ZNF28: variants seen among roughly 807,000 people sequenced by gnomAD.
The protein encoded by ZNF28 is zinc finger protein 28.
ZNF28 carries 5 observed loss-of-function variants against 7.2 expected under a neutral mutation model. The observed-to-expected ratio is 0.70, with a 90% CI of 0.36 to 1.46. The LOEUF (loss-of-function observed/expected upper bound fraction) is 1.46, where lower values mean the gene tolerates loss of function less well. Ranked by LOEUF, ZNF28 falls within the 40% of genes most tolerant of loss-of-function variation. The pLI is 0.03. For synonymous variants in ZNF28, 288 were observed against 292.4 expected (o/e 0.99, Z 0.15); for missense variants, 879 against 866.6 (o/e 1.01, Z -0.18).
At chr19:52,809,792 G>A (rs1338362805) in intron 2 of ZNF28, 8 of 501,372 alleles carry the variant, frequency 1.6e-5, no homozygotes, top group African/African-American at 1.0e-4. Flanking sequence ...GTGACAGAGC[G>A]AAAAAAAAGG....
At chr19:52,808,314 C>G (rs2062963997) in intron 2 of ZNF28, among the ~76,000 whole-genome samples, 181 bp from the exon 3 acceptor site, 1 of 152,082 alleles carries the variant, frequency 6.6e-6, no homozygotes. Context: ...GACACACTTT[C>G]AGTATGAAAT....
At chr19:52,812,411 T>C (rs577954782) in intron 2 of ZNF28, among the ~76,000 whole-genome samples, 1 of 133,794 alleles carries the variant, frequency 7.5e-6, no homozygotes, top group African/African-American at 3.3e-5. Context: ...TTTCATTTTG[T>C]TCTGTACTAA....
chr19:52,821,108 G>A (rs1419573714), intron 1 of ZNF28, among the ~76,000 whole-genome samples: 1 of 152,094 alleles, frequency 6.6e-6, no homozygotes, highest in East Asian at 1.9e-4. Context: ...GGGAGCAGCA[G>A]GGCCCAGCAA....
rs767026087 is a variant in ZNF28 at position 52,800,669 on chromosome 19, G to A, written c.1176C>T (p.Phe392=). ...PYECEECEKV[F]SRKSHLERHK... is the part of the protein sequence containing the mutation. ...GTCTTTCAAGATGTGATTTGCGACTGAAAACTTTTTCACATTCTTCACATT... is the reference window on the plus strand; with the variant it reads ...GTCTTTCAAGATGTGATTTGCGACTAAAAACTTTTTCACATTCTTCACATT... The change falls in exon 4 of 4, where the codon TTC becomes TTT. Residue 392 remains phenylalanine (F), a synonymous_variant. Transcript: ENST00000457749. 11 of 1,613,082 alleles carry A rather than the reference G, an allele frequency of 6.8e-6. No individual in the cohort carries two copies. In the Admixed American group the frequency reaches 8.3e-5, roughly 12 times the overall value.
Position 52,800,774 on chromosome 19 carries a change from A to G in ZNF28, c.1071T>C (p.Cys357=), listed in dbSNP as rs568537493. 10 of 1,614,116 alleles carry G rather than the reference A, an allele frequency of 6.2e-6. No homozygotes were observed. The East Asian group carries it at 2.2e-4, about 36-fold the overall frequency. Residue 357 remains cysteine (C), a synonymous_variant, in exon 4 of 4, where the codon TGT becomes TGC. Transcript: ENST00000457749. ...IIHTGEKPYK[C]NECGKVFNRL... ...GATTAAAAACCTTGCCACATTCATT[A>G]CACTTGTAAGGTTTCTCTCCAGTGT...
At chr19:52,813,879 TA>T (rs1369543098) in intron 2 of ZNF28, among the ~76,000 whole-genome samples, 1 of 146,122 alleles carries the variant, frequency 6.8e-6, no homozygotes, top group East Asian at 2.0e-4. Flanking sequence ...TTTTCCCTTT[TA>T]TTTGGAGGGA....
chr19:52,801,029 C>G lies in ZNF28; in HGVS notation c.816G>C (p.Lys272Asn), dbSNP rs755749057. ...CAAAGATCTTGCCACACTCATTACACTTGTAAGGTTTCTCATCAATGTGAG... is the reference window on the plus strand; with the variant it reads ...CAAAGATCTTGCCACACTCATTACAGTTGTAAGGTTTCTCATCAATGTGAG... ...RRSHIDEKPY[K>N]CNECGKIFGH... Residue 272 changes from lysine (K) to asparagine (N), a missense_variant, in exon 4 of 4, where the codon AAG becomes AAC. Lys to Asn is a moderately conservative substitution (Grantham distance 94). Transcript: ENST00000457749. 6.2e-7 allele frequency: 1 copy of G among 1,614,056 alleles called. No individual in the cohort carries two copies. Among genetic ancestry groups the G allele is most frequent in the Non-Finnish European group, 8.5e-7 (1 of 1,180,004 alleles).
In ZNF28 at chr19:52,800,076, C is replaced by G. The variant is rs2147612903; in HGVS notation, c.1769G>C (p.Arg590Thr). 6.2e-7 allele frequency: 1 copy of G among 1,613,980 alleles called. No homozygotes were observed. The highest frequency in any genetic ancestry group is 8.5e-7 in the Non-Finnish European group (1 of 1,179,956). ...CTGATGTTGTGCCAGGTGTGAATCC[C>G]TCCGGAAAGCCTTGTCACAAACCTT... ...KCKVCDKAFR[R>T]DSHLAQHQRV... Residue 590 changes from arginine to threonine, a missense_variant, in exon 4 of 4, where the codon AGG becomes ACG. Physicochemically the swap from Arg to Thr is moderately conservative, Grantham distance 71. This residue lies in a region of ZNF28 where 864 missense variants were observed against 830.2 expected (regional missense o/e 1.04). Transcript: ENST00000457749.
intron 1 of ZNF28, among the ~76,000 whole-genome samples, chr19:52,819,659 C>G (rs1404748196): frequency 7.2e-6 from 1 of 138,250 alleles, no homozygotes; most frequent in African/African-American, 3.1e-5. Context: ...GAAGGTGTGC[C>G]TGAATTCTTA....
At position 52,797,723 on chromosome 19, in the gene ZNF28, A is replaced by G. The variant is rs2147607037; in HGVS notation, c.*1965T>C. ...ATTAAAAACATATAAATACACATAC[A>G]ATCCATACTGATTGGAAAAATTAGT... On this transcript the variant is annotated 3_prime_UTR_variant, in exon 4 of 4. Transcript: ENST00000457749. 1 of 153,000 alleles carries G rather than the reference A, an allele frequency of 6.5e-6. No individual in the cohort carries two copies. The highest frequency in any genetic ancestry group is 6.5e-5 in the Admixed American group (1 of 15,302). The allele number at this position is 153,000 out of a possible 1,614,324, so 9.5% of individuals were successfully genotyped here. A position where few individuals can be genotyped will look rare whatever the true frequency, so the allele number is the denominator to read the frequency against.
In ZNF28 at chr19:52,798,079, G is replaced by C. The variant is rs748866709; in HGVS notation, c.*1609C>G. On this transcript the variant is annotated 3_prime_UTR_variant, in exon 4 of 4. Transcript: ENST00000457749. ...GGAGGTTGTAGTGAGTCAAGATCAT[G>C]CCACTGCACTCCAACCTGGATGACA... 3 of 155,114 alleles carry C rather than the reference G, an allele frequency of 1.9e-5. No homozygotes were observed. In the East Asian group the frequency reaches 5.7e-4, roughly 30 times the overall value. The allele number at this position is 155,114 out of a possible 1,614,324, so 9.6% of individuals were successfully genotyped here. A position where few individuals can be genotyped will look rare whatever the true frequency, so the allele number is the denominator to read the frequency against.
intron 2 of ZNF28, among the ~76,000 whole-genome samples, chr19:52,811,290 T>C (rs1404673881): frequency 2.6e-5 from 4 of 151,236 alleles, no homozygotes; most frequent in Non-Finnish European, 4.4e-5. Flanking sequence ...AGAGCCGAGA[T>C]TGCAGCCTCT....
At chr19:52,821,203 C>G (rs539360837) in intron 1 of ZNF28, among the ~76,000 whole-genome samples, 11 of 151,940 alleles carry the variant, frequency 7.2e-5, no homozygotes, top group Non-Finnish European at 5.9e-5. Flanking sequence ...GCAGCCTTCC[C>G]GGGACTGGGG....
chr19:52,811,346 G>T (rs890753732), intron 2 of ZNF28, among the ~76,000 whole-genome samples: 2 of 148,386 alleles, frequency 1.3e-5, no homozygotes, highest in African/African-American at 5.2e-5. Flanking sequence ...ACTCTGCCTG[G>T]CCGCCCATTG....
intron 3 of ZNF28, among the ~76,000 whole-genome samples, chr19:52,807,627 ACC>A (rs1240432852): frequency 6.6e-6 from 1 of 152,128 alleles, no homozygotes; most frequent in African/African-American, 2.4e-5. Flanking sequence ...CATATGCATC[ACC>A]ATGCCCGGCT....
intron 2 of ZNF28, among the ~76,000 whole-genome samples, chr19:52,816,815 A>T (rs1340002399): frequency 2.0e-5 from 3 of 149,414 alleles, no homozygotes; most frequent in African/African-American, 7.4e-5. Context: ...TGGGCAACAA[A>T]GCAAGACTCC....
chr19:52,810,303 G>A (rs2063002507), intron 2 of ZNF28: 31 of 1,551,370 alleles, frequency 2.0e-5, no homozygotes, highest in Admixed American at 1.3e-4. Flanking sequence ...GGAGGCTGAT[G>A]CCCGTTCCAT....
At chr19:52,819,698 G>A (rs750652066) in intron 1 of ZNF28, among the ~76,000 whole-genome samples, 1 of 142,094 alleles carries the variant, frequency 7.0e-6, no homozygotes, top group East Asian at 2.0e-4. Flanking sequence ...CTAATGGGAT[G>A]GACTGGTCTT....
At chr19:52,806,797 G>C (rs1304113058) in intron 3 of ZNF28, among the ~76,000 whole-genome samples, 2 of 151,934 alleles carry the variant, frequency 1.3e-5, no homozygotes, top group Non-Finnish European at 2.9e-5. Flanking sequence ...AGCTACTCAG[G>C]AATCTGGGGC....
Sources: allele counts gnomAD v4.1 joint callset (sites outside exome capture counted in the v4.1 genomes callset), GRCh38; gene constraint gnomAD v4.1.1; regional missense constraint gnomAD v4.1.1; transcripts MANE v1.5; gene names NCBI Gene and HGNC (gene_info 2026-07-23, HGNC 2026-07-21).